Variants in RNF220 observed in about 807,000 individuals in gnomAD.
The protein encoded by RNF220 is E3 ubiquitin-protein ligase RNF220.
In RNF220, 7 loss-of-function variants were observed where a neutral mutation model predicts 67.1. The ratio of observed to expected loss-of-function variants is 0.10; its 90% CI spans 0.06 to 0.20. The LOEUF is 0.20. RNF220 is among the 10% of genes least tolerant of loss of function. The pLI, the probability that RNF220 is intolerant of heterozygous loss-of-function variation, is 1.00. For synonymous variants in RNF220, 270 were observed against 283.2 expected, an observed-to-expected ratio of 0.95 and a Z score of 0.47; for missense variants, 565 against 740.3, an observed-to-expected ratio of 0.76 and a Z score of 2.75.
intron 2 of RNF220, among the ~76,000 whole-genome samples, chr1:44,489,734 A>AT (rs1253921814): frequency 3.9e-5 from 6 of 152,248 alleles, no homozygotes; most frequent in Non-Finnish European, 7.3e-5. Context: ...GGGAGAAGTC[A>AT]TCCTTCAACT....
At chr1:44,442,727 G>C (rs921317039) in intron 2 of RNF220, among the ~76,000 whole-genome samples, 14 of 152,020 alleles carry the variant, frequency 9.2e-5, no homozygotes, top group African/African-American at 3.4e-4. Flanking sequence ...ATGTTGCCCA[G>C]GTTGGTCTTG....
chr1:44,472,329 T>C (rs1273648680), intron 2 of RNF220, among the ~76,000 whole-genome samples: 1 of 152,214 alleles, frequency 6.6e-6, no homozygotes, highest in Non-Finnish European at 1.5e-5. Flanking sequence ...TTTACACCAT[T>C]CCTGCATCAG....
intron 8 of RNF220, among the ~76,000 whole-genome samples, chr1:44,638,719 T>C (rs139065048): frequency 6.6e-6 from 1 of 152,292 alleles, no homozygotes; most frequent in East Asian, 1.9e-4. Flanking sequence ...GATGGGGACC[T>C]GTGGTTACTG....
At chr1:44,641,599 G>A (rs1054929166) in intron 8 of RNF220, among the ~76,000 whole-genome samples, 3 of 152,206 alleles carry the variant, frequency 2.0e-5, no homozygotes, top group East Asian at 3.8e-4. Flanking sequence ...TGGCGGGGGC[G>A]CTGTCTGCAT....
intron 2 of RNF220, among the ~76,000 whole-genome samples, chr1:44,428,124 C>T (rs537980183): frequency 6.6e-6 from 1 of 152,236 alleles, no homozygotes; most frequent in Non-Finnish European, 1.5e-5. Context: ...ACCCAATGAC[C>T]ACCTTTTTAA....
chr1:44,487,672 AAAT>A (rs537638294), intron 2 of RNF220, among the ~76,000 whole-genome samples: 3,071 of 142,504 alleles, frequency 0.022, 73 homozygotes, highest in African/African-American at 0.06. Context: ...ATCTCTACTA[AAAT>A]AATAATAATA....
At chr1:44,455,242 G>A (rs1323370721) in intron 2 of RNF220, among the ~76,000 whole-genome samples, 2 of 152,004 alleles carry the variant, frequency 1.3e-5, no homozygotes, top group African/African-American at 2.4e-5. Context: ...TCCCTTTAGC[G>A]AGGGCATAGG....
chr1:44,444,112 A>T (rs983647208), intron 2 of RNF220, among the ~76,000 whole-genome samples: 25 of 152,280 alleles, frequency 1.6e-4, no homozygotes, highest in Admixed American at 1.6e-3. Flanking sequence ...GAAAGAAAGA[A>T]ATAGAACATT....
chr1:44,636,394 T>G (rs752602905), intron 8 of RNF220: 1 of 731,652 alleles, frequency 1.4e-6, no homozygotes, highest in South Asian at 1.5e-5. Flanking sequence ...AAGCTAGGAG[T>G]GACGAAGGGG....
chr1:44,638,004 G>T (rs1190349729), intron 8 of RNF220, among the ~76,000 whole-genome samples: 1 of 152,260 alleles, frequency 6.6e-6, no homozygotes, highest in African/African-American at 2.4e-5. Flanking sequence ...ACGAGGCAGA[G>T]AGCGGGGCGC....
intron 2 of RNF220, chr1:44,419,601 G>A (rs1187238395): frequency 6.6e-6 from 1 of 152,184 alleles, no homozygotes; most frequent in Admixed American, 6.5e-5. Context: ...CCTTAGTGGT[G>A]GCGATTATAA....
chr1:44,520,192 G>C (rs1375487400), intron 2 of RNF220, among the ~76,000 whole-genome samples: 7 of 151,462 alleles, frequency 4.6e-5, no homozygotes, highest in African/African-American at 7.3e-5. Flanking sequence ...GCTGGGCGCG[G>C]TGGCTCACGC....
At chr1:44,551,185 A>C (rs1662602181) in intron 2 of RNF220, among the ~76,000 whole-genome samples, 1 of 129,602 alleles carries the variant, frequency 7.7e-6, no homozygotes, top group Non-Finnish European at 1.5e-5. Flanking sequence ...CATGATCCTG[A>C]CTCACTGCAA....
chr1:44,497,393 T>C (rs6673706), intron 2 of RNF220, among the ~76,000 whole-genome samples: 6,343 of 151,948 alleles, frequency 0.042, 149 homozygotes, highest in South Asian at 0.063. Context: ...TACCTGGTCA[T>C]TCTGTGCTTA....
chr1:44,477,736 T>C (rs1312277512), intron 2 of RNF220, among the ~76,000 whole-genome samples: 2 of 152,180 alleles, frequency 1.3e-5, no homozygotes, highest in Non-Finnish European at 2.9e-5. Context: ...AGAGCTCTTC[T>C]CTCCAGGAGG....
chr1:44,578,217 T>G (rs1306771938), intron 2 of RNF220, among the ~76,000 whole-genome samples: 2 of 151,076 alleles, frequency 1.3e-5, no homozygotes, highest in African/African-American at 4.9e-5. Context: ...GGTGCAATCT[T>G]GGCTCTCTGC....
At chr1:44,604,676 T>C (rs1219449944) in intron 2 of RNF220, among the ~76,000 whole-genome samples, 2 of 152,260 alleles carry the variant, frequency 1.3e-5, no homozygotes, top group African/African-American at 4.8e-5. Context: ...TGACTTCACC[T>C]GGCTGTCTTG....
chr1:44,508,829 ACT>A (rs747653819), intron 2 of RNF220, among the ~76,000 whole-genome samples: 10 of 152,092 alleles, frequency 6.6e-5, no homozygotes, highest in Non-Finnish European at 1.5e-4. Flanking sequence ...CCTGAAGAAC[ACT>A]CTGTAGTTTG....
At chr1:44,445,418 C>A (rs1183274364) in intron 2 of RNF220, among the ~76,000 whole-genome samples, 1 of 152,104 alleles carries the variant, frequency 6.6e-6, no homozygotes, top group East Asian at 1.9e-4. Context: ...TCTCCATTGC[C>A]CTTGAAGTTA....
Sources: gnomAD v4.1 joint callset for allele counts (sites outside exome capture counted in the v4.1 genomes callset) on GRCh38, gnomAD v4.1.1 for gene constraint, MANE v1.5 for transcripts, NCBI Gene and HGNC (gene_info 2026-07-23, HGNC 2026-07-21) for gene names.